FBRSL1: variants seen among roughly 807,000 people sequenced by gnomAD.
The protein encoded by FBRSL1 is fibrosin like 1.
In FBRSL1, 51 loss-of-function variants were observed where a neutral mutation model predicts 89.6. The observed-to-expected ratio is 0.57, with a 90% confidence interval of 0.45 to 0.72. The LOEUF is 0.72. Among genes scored for constraint, FBRSL1 ranks in the 30% least tolerant of loss-of-function variants. The pLI, the probability that FBRSL1 is intolerant of heterozygous loss-of-function variation, is 0.00. For synonymous variants in FBRSL1, 779 were observed against 681.1 expected, an observed-to-expected ratio of 1.14 and a Z score of -2.24; for missense variants, 1,618 against 1,451.8, an observed-to-expected ratio of 1.11 and a Z score of -1.86.
intron 10 of FBRSL1, 48 bp downstream of exon 10, chr12:132,572,392 C>T: frequency 6.5e-7 from 1 of 1,543,762 alleles, no homozygotes; most frequent in African/African-American, 1.4e-5. Context: ...CACGCAGGTC[C>T]TGGCCACGGG....
Position 132,546,554 on chromosome 12 carries a change from C to T in FBRSL1, c.616-1449C>T, listed in dbSNP as rs558410630. Among the ~76,000 whole-genome samples, 4 of 151,100 alleles carry T rather than the reference C, an allele frequency of 2.6e-5. No individual in the cohort carries two copies. Among genetic ancestry groups the T allele is most frequent in the Non-Finnish European group, 4.4e-5 (3 of 67,576 alleles). On this transcript the variant is annotated intron_variant, in intron 4 of 18. Coordinates refer to ENST00000680143, the MANE Select transcript of FBRSL1 (RefSeq NM_001367871.1). The surrounding 1 kb of genome is among the most constrained non-coding windows in gnomAD (Gnocchi z 4.0). ...CTTGGCCACGGCTGAAAGGCCAGAC[C>T]GGGGGGACCCTAGGAGAGGGCTTGG...
intron 2 of FBRSL1, chr12:132,511,075 C>A (rs1231664268): frequency 5.1e-6 from 5 of 985,722 alleles, no homozygotes; most frequent in Non-Finnish European, 6.0e-6. Context: ...TCAGTCCAGG[C>A]CCTCCCCCTG....
In FBRSL1 at chr12:132,490,623, G is replaced by A. The variant is rs1488252462; in HGVS notation, c.53G>A (p.Gly18Asp). The A allele has an allele frequency of 9.2e-6, 9 of 983,480 alleles. No individual in the cohort carries two copies. The highest frequency in any genetic ancestry group is 1.1e-5 in the Non-Finnish European group (9 of 830,220). The allele number at this position is 983,480 out of a possible 1,614,324, so 60.9% of individuals were successfully genotyped here. ...CGCTCGCGCGCGCAGCGGGACCGTG[G>A]CCGGCGCCGGGAGGCCGCCCGCGAC... ...SRRSRAQRDR[G>D]RRREAARDAR... The change falls in exon 1 of 19, where the codon GGC becomes GAC. Residue 18 changes from glycine to aspartate, a missense_variant. By Grantham distance (94) the Gly-to-Asp change is moderately conservative. Transcript: ENST00000680143.
intron 4 of FBRSL1, among the ~76,000 whole-genome samples, chr12:132,539,919 G>C (rs1219397534): frequency 1.2e-3 from 1 of 848 alleles, no homozygotes; most frequent in Non-Finnish European, 1.8e-3. Flanking sequence ...CCTCCAGCCC[G>C]ATGCCCACCC....
chr12:132,583,287 C>G lies in FBRSL1; in HGVS notation c.2518C>G (p.Leu840Val), dbSNP rs1261728991. ...GLHPAPLQLGLGRERLGAPGF... is the reference protein window; with the variant it reads ...GLHPAPLQLGVGRERLGAPGF... ...GCACCCCGCGCCCCTGCAGCTCGGCCTGGGCCGCGAGCGCCTGGGCGCGCC... is the reference window on the plus strand; with the variant it reads ...GCACCCCGCGCCCCTGCAGCTCGGCGTGGGCCGCGAGCGCCTGGGCGCGCC... The change falls in exon 19 of 19, where the codon CTG becomes GTG. Residue 840 changes from leucine (L) to valine (V), a missense_variant. Physicochemically the swap from Leu to Val is conservative, Grantham distance 32 (BLOSUM62 1). Coordinates refer to ENST00000680143, the MANE Select transcript of FBRSL1 (RefSeq NM_001367871.1). The G allele has an allele frequency of 8.7e-7, 1 of 1,150,286 alleles. No homozygotes were observed. Among genetic ancestry groups the G allele is most frequent in the Non-Finnish European group, 1.1e-6 (1 of 907,780 alleles). 71.3% of individuals were successfully genotyped at this position (1,150,286 alleles called of 1,614,324 possible).
At position 132,570,110 on chromosome 12, in the gene FBRSL1, C is replaced by G. The variant is rs566934494; in HGVS notation, c.876C>G (p.Pro292=). The G allele has an allele frequency of 9.5e-6, 14 of 1,478,898 alleles. No homozygotes were observed. The highest frequency in any genetic ancestry group is 1.3e-5 in the South Asian group (1 of 78,136). The allele number at this position is 1,478,898 out of a possible 1,614,324, so 91.6% of individuals were successfully genotyped here. ...ATCCCTTGGTGAAGAAGGAACCCCCCGCCCCGCACCGCCACACCCCGCAGC... is the reference window on the plus strand; with the variant it reads ...ATCCCTTGGTGAAGAAGGAACCCCCGGCCCCGCACCGCCACACCCCGCAGC... ...RANPLVKKEP[P]APHRHTPQPP... Residue 292 remains proline (P), a synonymous_variant, in exon 7 of 19, where the codon CCC becomes CCG. Transcript: ENST00000680143.
At chr12:132,513,729 G>C (rs2034576767) in intron 2 of FBRSL1, among the ~76,000 whole-genome samples, 1 of 152,162 alleles carries the variant, frequency 6.6e-6, no homozygotes, top group Non-Finnish European at 1.5e-5. Flanking sequence ...GGAGGAGAAG[G>C]GGAGGTCGGG....
At chr12:132,512,247 A>T (rs868406829) in intron 2 of FBRSL1, among the ~76,000 whole-genome samples, 1 of 152,240 alleles carries the variant, frequency 6.6e-6, no homozygotes, top group Non-Finnish European at 1.5e-5. Context: ...GGGGGCACCC[A>T]TCCCCGGGAT....
chr12:132,509,300 G>C lies in FBRSL1; in HGVS notation c.489+950G>C, dbSNP rs895252622. ...CCCTCCCAGCCCCGTCGGCACTCCC[G>C]GACCCTGGGCAGCCCTGCCAGCCCT... On this transcript the variant is annotated intron_variant, in intron 2 of 18. Transcript: ENST00000680143. 7 of 1,250,964 alleles carry C rather than the reference G, an allele frequency of 5.6e-6. No homozygotes were observed. The African/African-American group carries it at 1.1e-4, about 19-fold the overall frequency. The allele number at this position is 1,250,964 out of a possible 1,614,324, so 77.5% of individuals were successfully genotyped here. A position where few individuals can be genotyped will look rare whatever the true frequency, so the allele number is the denominator to read the frequency against.
In FBRSL1 at chr12:132,564,890, C is replaced by A. The variant is rs578147945; in HGVS notation, c.646-2591C>A. On this transcript the variant is annotated intron_variant, in intron 5 of 18. Transcript: ENST00000680143. ...GTGATCCGCCGGCCTCGGCCTCCCG[C>A]AGTGCTGGGATTTCAGGCGTGAGCC... Among the ~76,000 whole-genome samples the A allele has an allele frequency of 6.1e-3, 923 of 152,004 alleles. 8 individuals carry two copies. Among genetic ancestry groups the A allele is most frequent in the South Asian group, 9.3e-3 (45 of 4,828 alleles).
chr12:132,526,228 C>T (rs551707390), intron 3 of FBRSL1, among the ~76,000 whole-genome samples: 17 of 152,362 alleles, frequency 1.1e-4, no homozygotes, highest in African/African-American at 3.8e-4. Context: ...GCCGCCGAGT[C>T]TTGAGATGGG....
At chr12:132,502,880 C>G (rs567381487) in intron 1 of FBRSL1, among the ~76,000 whole-genome samples, 1 of 147,464 alleles carries the variant, frequency 6.8e-6, no homozygotes, top group Non-Finnish European at 1.5e-5. Flanking sequence ...CTCCTGTCCC[C>G]GCCCTCTCCT....
chr12:132,573,947 G>A, intron 11 of FBRSL1, 143 bp from the exon 12 acceptor site: 1 of 257,536 alleles, frequency 3.9e-6, no homozygotes, highest in Non-Finnish European at 6.4e-6. Flanking sequence ...GCGAGGGAGG[G>A]CAGGCTGTCC....
At chr12:132,574,448 G>A (rs374527795) in intron 13 of FBRSL1, 45 bp from the exon 14 acceptor site, 8 of 1,548,770 alleles carry the variant, frequency 5.2e-6, no homozygotes, top group Non-Finnish European at 7.0e-6. Context: ...GAAAACATGG[G>A]TGGGGGTGGC....
At position 132,583,815 on chromosome 12, in the gene FBRSL1, C is replaced by T. The variant is rs938758967; in HGVS notation, c.*37C>T. On this transcript the variant is annotated 3_prime_UTR_variant, in exon 19 of 19. Coordinates refer to ENST00000680143, the MANE Select transcript of FBRSL1 (RefSeq NM_001367871.1). ...CAGACGCCTCTCCGAGCGGAGCGCA[C>T]CGCTGTCCGTCTCTCCATCAGTTCC... 3.5e-6 allele frequency: 4 copies of T among 1,132,248 alleles called. No homozygotes were observed. Among genetic ancestry groups the T allele is most frequent in the East Asian group, 3.5e-5 (1 of 28,862 alleles). The allele number at this position is 1,132,248 out of a possible 1,614,324, so 70.1% of individuals were successfully genotyped here. A position where few individuals can be genotyped will look rare whatever the true frequency, so the allele number is the denominator to read the frequency against.
Position 132,569,122 on chromosome 12 carries a change from C to T in FBRSL1, c.692-804C>T, listed in dbSNP as rs112331639. On this transcript the variant is annotated intron_variant, in intron 6 of 18. Transcript: ENST00000680143. ...TCCTGACCCCAGGCAACAGGAGCTC[C>T]ACCACATGGACGCTGCCCTCTCCTG... Among the ~76,000 whole-genome samples, 223 of 152,144 alleles carry T rather than the reference C, an allele frequency of 1.5e-3. 1 individual carries two copies. The highest frequency in any genetic ancestry group is 4.7e-3 in the African/African-American group (197 of 41,534).
chr12:132,531,669 T>G (rs1023053116), intron 4 of FBRSL1, among the ~76,000 whole-genome samples: 6 of 149,522 alleles, frequency 4.0e-5, no homozygotes, highest in Non-Finnish European at 7.4e-5. Context: ...CGTTGTGTGT[T>G]GTGCACGTGG....
intron 1 of FBRSL1, among the ~76,000 whole-genome samples, chr12:132,496,666 C>A (rs956439255): frequency 6.6e-6 from 1 of 152,220 alleles, no homozygotes; most frequent in Non-Finnish European, 1.5e-5. Context: ...GTGTCCAGAG[C>A]GTGAGGATTG....
In FBRSL1 at chr12:132,508,320, G is replaced by T. The variant is rs546672016; in HGVS notation, c.459G>T (p.Ala153=). The T allele has an allele frequency of 1.3e-6, 2 of 1,542,604 alleles. No individual in the cohort carries two copies. Among genetic ancestry groups the T allele is most frequent in the Non-Finnish European group, 8.7e-7 (1 of 1,143,908 alleles). ...ACCTCGAACCCGCCTGCGATGGGGC[G>T]AGAAAGGTCCCACTGCAGCCCTCCA... The part of the protein sequence containing the change: ...GQDLEPACDG[A]RKVPLQPSKQ... The change falls in exon 2 of 19, where the codon GCG becomes GCT. Residue 153 remains alanine, a synonymous_variant. Transcript: ENST00000680143.
Sources: allele counts gnomAD v4.1 joint callset (sites outside exome capture counted in the v4.1 genomes callset), GRCh38; gene constraint gnomAD v4.1.1; non-coding constraint Gnocchi (gnomAD v3.1); transcripts MANE v1.5; gene names NCBI Gene and HGNC (gene_info 2026-07-23, HGNC 2026-07-21).